Variants in UNC5D observed in about 807,000 individuals in gnomAD.
The protein encoded by UNC5D is unc-5 netrin receptor D.
UNC5D carries 39 observed loss-of-function variants against 105.4 expected under a neutral mutation model. The observed-to-expected ratio is 0.37, with a 90% CI of 0.29 to 0.48. The LOEUF (loss-of-function observed/expected upper bound fraction) is 0.48, where lower values mean the gene tolerates loss of function less well. Among genes scored for constraint, UNC5D ranks in the 20% least tolerant of loss-of-function variants. The probability of loss-of-function intolerance (pLI) is 0.98; values close to 1 mark genes in which losing one functional copy is unlikely to be tolerated. For missense variants in UNC5D, 991 were observed against 1,202.4 expected, an observed-to-expected ratio of 0.82 and a Z score of 2.60; for synonymous variants, 452 against 450.4, an observed-to-expected ratio of 1.00 and a Z score of -0.04.
chr8:35,249,631 T>G (rs905168221), intron 1 of UNC5D, among the ~76,000 whole-genome samples: 3 of 151,484 alleles, frequency 2.0e-5, no homozygotes, highest in Admixed American at 2.0e-4. Flanking sequence ...TTCGGTTGCT[T>G]CTTCTCATGC....
intron 1 of UNC5D, among the ~76,000 whole-genome samples, chr8:35,239,646 G>A (rs1192680140): frequency 6.6e-6 from 1 of 152,056 alleles, no homozygotes; most frequent in African/African-American, 2.4e-5. Flanking sequence ...GTGTTCACAG[G>A]GAGCCCAGAT....
At chr8:35,258,339 C>T (rs1804223607) in intron 1 of UNC5D, among the ~76,000 whole-genome samples, 1 of 152,212 alleles carries the variant, frequency 6.6e-6, no homozygotes, top group Admixed American at 6.5e-5. Flanking sequence ...TAAATTTCAA[C>T]ATGATTTTTA....
intron 7 of UNC5D, among the ~76,000 whole-genome samples, chr8:35,692,271 T>C (rs1473739474): frequency 6.6e-6 from 1 of 152,198 alleles, no homozygotes; most frequent in Non-Finnish European, 1.5e-5. Flanking sequence ...GTCTATTCAA[T>C]GATCTACTTA....
At chr8:35,657,639 C>T (rs571133556) in intron 4 of UNC5D, among the ~76,000 whole-genome samples, 1 of 152,198 alleles carries the variant, frequency 6.6e-6, no homozygotes, top group Admixed American at 6.5e-5. Context: ...CATGTGCCAC[C>T]ATGCCTGGAT....
chr8:35,482,947 C>A (rs959523754), intron 1 of UNC5D, among the ~76,000 whole-genome samples: 1 of 151,636 alleles, frequency 6.6e-6, no homozygotes, highest in African/African-American at 2.4e-5. Flanking sequence ...GGATTACAGG[C>A]GCCTGCCACC....
chr8:35,767,027 C>T lies in UNC5D; in HGVS notation c.2439C>T (p.Gly813=). Reference sequence around the variant, plus strand: ...AAATCTGCATTCGGCAGCTCAAAGGCCATGAACAGATCCTCCAAGTGCAGA... The same window carrying T: ...AAATCTGCATTCGGCAGCTCAAAGGTCATGAACAGATCCTCCAAGTGCAGA... ...SCKICIRQLK[G]HEQILQVQTS... is the part of the protein sequence containing the mutation. Residue 813 remains glycine, a synonymous_variant, in exon 15 of 17, where the codon GGC becomes GGT. Transcript: ENST00000404895. The T allele has an allele frequency of 6.2e-7, 1 of 1,613,890 alleles. No homozygotes were observed. Among genetic ancestry groups the T allele is most frequent in the Non-Finnish European group, 8.5e-7 (1 of 1,179,890 alleles).
intron 1 of UNC5D, among the ~76,000 whole-genome samples, chr8:35,380,721 T>TG (rs1802993445): frequency 6.6e-6 from 1 of 152,198 alleles, no homozygotes; most frequent in South Asian, 2.1e-4. Flanking sequence ...ATTCTGGATG[T>TG]TACACAATTA....
chr8:35,546,729 T>G (rs1241305755), intron 1 of UNC5D, among the ~76,000 whole-genome samples: 3 of 152,208 alleles, frequency 2.0e-5, no homozygotes. Flanking sequence ...GAAATTGGTA[T>G]AAGCATTCAG....
At chr8:35,632,005 G>A (rs967536243) in intron 4 of UNC5D, among the ~76,000 whole-genome samples, 2 of 152,166 alleles carry the variant, frequency 1.3e-5, no homozygotes, top group African/African-American at 2.4e-5. Flanking sequence ...CATTTGCCCC[G>A]TGCATGCATC....
At chr8:35,620,963 G>T (rs758624869) in intron 4 of UNC5D, among the ~76,000 whole-genome samples, 4 of 152,186 alleles carry the variant, frequency 2.6e-5, no homozygotes, top group Non-Finnish European at 5.9e-5. Flanking sequence ...GACGTTTGGG[G>T]TCGGATACTC....
At position 35,652,985 on chromosome 8, in the gene UNC5D, A is replaced by G. The variant is rs987240969; in HGVS notation, c.571-30562A>G. Among the ~76,000 whole-genome samples, 9 of 128,052 alleles carry G rather than the reference A, an allele frequency of 7.0e-5. No individual in the cohort carries two copies. The East Asian group carries it at 2.1e-3, about 29-fold the overall frequency. The allele number at this position is 128,052 out of a possible 152,430, so 84.0% of individuals were successfully genotyped here. On this transcript the variant is annotated intron_variant, in intron 4 of 16. Coordinates refer to ENST00000404895, the MANE Select transcript of UNC5D (RefSeq NM_080872.4). ...TCTCTTGCCAGGCAGGCTGCAGTGC[A>G]GTGGCACAATCTTGGCTTACTGCAA...
intron 4 of UNC5D, among the ~76,000 whole-genome samples, chr8:35,598,431 C>T (rs1343741602): frequency 6.6e-6 from 1 of 152,068 alleles, no homozygotes; most frequent in East Asian, 1.9e-4. Context: ...AAAAGGAAAC[C>T]ACTGCACACT....
intron 1 of UNC5D, among the ~76,000 whole-genome samples, chr8:35,297,317 GA>G (rs1462694348): frequency 1.3e-5 from 2 of 152,128 alleles, no homozygotes; most frequent in African/African-American, 4.8e-5. Flanking sequence ...ATTGTAGCCT[GA>G]AAAAGCCTTT....
intron 1 of UNC5D, among the ~76,000 whole-genome samples, chr8:35,398,218 C>T (rs17257539): frequency 0.048 from 7,299 of 152,202 alleles, 236 homozygotes; most frequent in Non-Finnish European, 0.07. Flanking sequence ...ACAACTGTAA[C>T]CTGGGAATTT....
intron 1 of UNC5D, among the ~76,000 whole-genome samples, chr8:35,291,099 G>A (rs1807031782): frequency 1.3e-5 from 2 of 152,152 alleles, no homozygotes; most frequent in Non-Finnish European, 1.5e-5. Flanking sequence ...TGGAAACTGA[G>A]TTTCTCAGAA....
intron 1 of UNC5D, among the ~76,000 whole-genome samples, chr8:35,290,910 T>G (rs1807014860): frequency 6.8e-6 from 1 of 147,560 alleles, no homozygotes; most frequent in Non-Finnish European, 1.5e-5. Context: ...ATCGTGTCAT[T>G]GCACTCCAGC....
At chr8:35,506,813 G>A (rs1026181632) in intron 1 of UNC5D, among the ~76,000 whole-genome samples, 5 of 152,166 alleles carry the variant, frequency 3.3e-5, no homozygotes, top group Non-Finnish European at 5.9e-5. Flanking sequence ...TAAGGACTGC[G>A]TGGAAAAGCC....
rs1056077174 is a variant in UNC5D, at chr8:35,793,837, A to G, written c.*3274A>G. Reference sequence around the variant, plus strand: ...TTGTAAGAGATGAAAAAGAATTGACACAGTTCTCTTTAAAGAGAAGAACTT... The same window carrying G: ...TTGTAAGAGATGAAAAAGAATTGACGCAGTTCTCTTTAAAGAGAAGAACTT... On this transcript the variant is annotated 3_prime_UTR_variant, in exon 17 of 17. Coordinates refer to ENST00000404895, the MANE Select transcript of UNC5D (RefSeq NM_080872.4). 2.0e-5 allele frequency: 3 copies of G among 152,482 alleles called. No individual in the cohort carries two copies. In the East Asian group the frequency reaches 5.8e-4, roughly 29 times the overall value. 9.4% of individuals were successfully genotyped at this position (152,482 alleles called of 1,614,324 possible).
intron 1 of UNC5D, among the ~76,000 whole-genome samples, chr8:35,333,398 C>G (rs1810779601): frequency 1.3e-5 from 2 of 151,996 alleles, no homozygotes; most frequent in Non-Finnish European, 2.9e-5. Context: ...CTTCCAAATC[C>G]TGATTTAATT....
Sources: allele counts gnomAD v4.1 joint callset (sites outside exome capture counted in the v4.1 genomes callset), GRCh38; gene constraint gnomAD v4.1.1; transcripts MANE v1.5; gene names NCBI Gene and HGNC (gene_info 2026-07-23, HGNC 2026-07-21).